KDM1B: variants seen among roughly 807,000 people sequenced by gnomAD.
The protein encoded by KDM1B is lysine demethylase 1B, also known as lysine-specific histone demethylase 2.
A neutral mutation model predicts 107.4 loss-of-function variants in KDM1B; 63 were observed. That is an observed-to-expected ratio of 0.59 (90% CI 0.48 to 0.72). KDM1B has a LOEUF of 0.72. KDM1B is among the 30% of genes least tolerant of loss of function. The probability of loss-of-function intolerance (pLI) is 0.00; values close to 1 mark genes in which losing one functional copy is unlikely to be tolerated. For synonymous variants in KDM1B, 363 were observed against 363.9 expected (o/e 1.00, Z 0.03); for missense variants, 749 against 1,020.8 (o/e 0.73, Z 3.63).
chr6:18,196,910 T>G, intron 10 of KDM1B, 147 bp from the exon 11 acceptor site: 1 of 708,026 alleles, frequency 1.4e-6, no homozygotes, highest in Non-Finnish European at 2.3e-6. Context: ...CAGGGAGGAC[T>G]GTACCTGTTG....
intron 9 of KDM1B, 147 bp downstream of exon 9, chr6:18,188,149 C>A: frequency 1.4e-6 from 1 of 722,036 alleles, no homozygotes; most frequent in Non-Finnish European, 2.3e-6. Context: ...CTTTGGGTGG[C>A]CGAGGCAGGA....
At chr6:18,221,376 T>C (rs766827852) in intron 21 of KDM1B, among the ~76,000 whole-genome samples, 1 of 152,194 alleles carries the variant, frequency 6.6e-6, no homozygotes, top group Non-Finnish European at 1.5e-5. Context: ...GTTCCCACCA[T>C]AGCCATTCCT....
chr6:18,177,964 G>A (rs1786139027), intron 7 of KDM1B, among the ~76,000 whole-genome samples: 1 of 151,974 alleles, frequency 6.6e-6, no homozygotes, highest in African/African-American at 2.4e-5. Context: ...ATCTTTTTGA[G>A]GTTAATGTCT....
Position 18,207,498 on chromosome 6 carries a change from C to G in KDM1B, c.1760C>G (p.Ala587Gly), listed in dbSNP as rs879350909. 23 of 1,614,228 alleles carry G rather than the reference C, an allele frequency of 1.4e-5. No individual in the cohort carries two copies. The highest frequency in any genetic ancestry group is 1.6e-5 in the Non-Finnish European group (19 of 1,180,042). Residue 587 changes from alanine (A) to glycine (G), a missense_variant, in exon 16 of 22, where the codon GCA (alanine) becomes GGA (glycine). Physicochemically the swap from Ala to Gly is moderately conservative, Grantham distance 60. Transcript: ENST00000650836. ...PGYSVIIEKL[A>G]EGLDIQLKSP... ...TACTCGGTGATAATTGAAAAACTGG[C>G]AGAAGGGCTTGACATTCAACTCAAA...
chr6:18,182,015 CTG>C (rs1786516793), intron 7 of KDM1B, among the ~76,000 whole-genome samples: 1 of 152,142 alleles, frequency 6.6e-6, no homozygotes, highest in African/African-American at 2.4e-5. Flanking sequence ...TTACTGCTCT[CTG>C]TAATTTCTTT....
chr6:18,189,717 A>T (rs563485035), intron 9 of KDM1B, among the ~76,000 whole-genome samples: 1 of 152,230 alleles, frequency 6.6e-6, no homozygotes, highest in Non-Finnish European at 1.5e-5. Context: ...TTATGTGAAT[A>T]TTCTCTGTTA....
intron 17 of KDM1B, 23 bp downstream of exon 17, chr6:18,208,229 G>C: frequency 1.9e-6 from 3 of 1,572,274 alleles, no homozygotes; most frequent in South Asian, 1.1e-5. Flanking sequence ...GCAGTACAAG[G>C]GTGGGTAGAA....
At chr6:18,202,679 G>A (rs191433069) in intron 14 of KDM1B, among the ~76,000 whole-genome samples, 2 of 152,288 alleles carry the variant, frequency 1.3e-5, no homozygotes, top group African/African-American at 4.8e-5. Context: ...TCAACTGTAT[G>A]TTTCTTTGCA....
chr6:18,218,022 C>T (rs1171756605), intron 21 of KDM1B, 137 bp downstream of exon 21: 1 of 874,450 alleles, frequency 1.1e-6, no homozygotes, highest in South Asian at 1.8e-5. Context: ...GAAGCCTTCT[C>T]ACCATCCTCT....
chr6:18,195,923 T>G lies in KDM1B; in HGVS notation c.970-1134T>G, dbSNP rs150421297. 5.0e-3 allele frequency among the ~76,000 whole-genome samples: 759 copies of G among 152,196 alleles called. 6 individuals are homozygous for G. The highest frequency in any genetic ancestry group is 0.017 in the African/African-American group (705 of 41,510). ...TGTAGTTACCATGTTGTAAAATGGA[T>G]CTCCTGAAATTATTCCTCTTGTCTA... On this transcript the variant is annotated intron_variant, in intron 10 of 21. Coordinates refer to ENST00000650836, the MANE Select transcript of KDM1B (RefSeq NM_001364614.2).
chr6:18,211,717 G>A lies in KDM1B; in HGVS notation c.1867-771G>A, dbSNP rs985275032. The A allele has an allele frequency of 5.9e-5, 9 of 152,322 alleles. 1 individual carries two copies. Among genetic ancestry groups the A allele is most frequent in the African/African-American group, 2.2e-4 (9 of 41,564 alleles). 9.4% of individuals were successfully genotyped at this position (152,322 alleles called of 1,614,324 possible). On this transcript the variant is annotated intron_variant, in intron 17 of 21. Coordinates refer to ENST00000650836, the MANE Select transcript of KDM1B (RefSeq NM_001364614.2). The surrounding 1 kb of genome is among the most constrained non-coding windows in gnomAD (Gnocchi z 5.2). The stretch of plus-strand genomic sequence containing the variant: ...ATGTCCAATTCCCAATGTTTGTGAT[G>A]TGTTTCACTACTTATGAAGCATATT...
intron 10 of KDM1B, among the ~76,000 whole-genome samples, chr6:18,194,647 T>G (rs1401666675): frequency 1.3e-5 from 2 of 152,148 alleles, no homozygotes; most frequent in Middle Eastern, 3.4e-3. Context: ...AACATAAAAT[T>G]TACCATATTT....
At position 18,223,800 on chromosome 6, in the gene KDM1B, A is replaced by G. The variant is rs1789980017; in HGVS notation, c.*1808A>G. 6.6e-6 allele frequency: 1 copy of G among 152,200 alleles called. No homozygotes were observed. Among genetic ancestry groups the G allele is most frequent in the Non-Finnish European group, 1.5e-5 (1 of 68,014 alleles). The allele number at this position is 152,200 out of a possible 1,614,324, so 9.4% of individuals were successfully genotyped here. A position where few individuals can be genotyped will look rare whatever the true frequency, so the allele number is the denominator to read the frequency against. On this transcript the variant is annotated 3_prime_UTR_variant, in exon 22 of 22. Coordinates refer to ENST00000650836, the MANE Select transcript of KDM1B (RefSeq NM_001364614.2). ...TACAGATTTACAATGTTTTAACTACAGTTCATGAATAGCTGGTTGTGTAAA... is the reference window on the plus strand; with the variant it reads ...TACAGATTTACAATGTTTTAACTACGGTTCATGAATAGCTGGTTGTGTAAA...
At chr6:18,187,486 A>C (rs1207912735) in intron 8 of KDM1B, among the ~76,000 whole-genome samples, 1 of 152,122 alleles carries the variant, frequency 6.6e-6, no homozygotes, top group Non-Finnish European at 1.5e-5. Context: ...CGATCTAGTA[A>C]ATGGGCACAG....
chr6:18,181,359 TAAG>T (rs1427633102), intron 7 of KDM1B, among the ~76,000 whole-genome samples: 1 of 152,132 alleles, frequency 6.6e-6, no homozygotes. Context: ...CAATTTAAAA[TAAG>T]AAAAGGAAGC....
rs61751947 is a variant in KDM1B, at chr6:18,161,386, G to A, written c.147G>A (p.Lys49=). Residue 49 remains lysine, a synonymous_variant, in exon 4 of 22, where the codon AAG becomes AAA. Transcript: ENST00000650836. ...ATGAAGATGGTGGCTCAGAGAAGAA[G>A]TACAGGAAATGTGAAAAGGCAGGCT... The part of the protein sequence containing the change: ...DEDEDGGSEK[K]YRKCEKAGCT... 2,701 of 1,614,004 alleles carry A rather than the reference G, an allele frequency of 1.7e-3. 14 individuals carry two copies. The highest frequency in any genetic ancestry group is 0.011 in the Admixed American group (659 of 59,994).
chr6:18,188,886 C>T (rs1195813215), intron 9 of KDM1B, among the ~76,000 whole-genome samples: 1 of 151,770 alleles, frequency 6.6e-6, no homozygotes, highest in Non-Finnish European at 1.5e-5. Context: ...CAGGTTCAAG[C>T]GATTCTCCTG....
chr6:18,220,809 T>TCGCACAGGCTGGAGTGC (rs1789648643), intron 21 of KDM1B, among the ~76,000 whole-genome samples: 1 of 151,056 alleles, frequency 6.6e-6, no homozygotes, highest in Non-Finnish European at 1.5e-5. Context: ...TCTCGCTGTG[T>TCGCACAGGCTGGAGTGC]CGCACAGGCT....
intron 10 of KDM1B, among the ~76,000 whole-genome samples, chr6:18,193,936 C>T (rs1411507036): frequency 2.0e-5 from 3 of 151,664 alleles, no homozygotes; most frequent in South Asian, 2.1e-4. Flanking sequence ...TGCAATGATG[C>T]GATCTCAGCT....
Sources: allele counts gnomAD v4.1 joint callset (sites outside exome capture counted in the v4.1 genomes callset), GRCh38; gene constraint gnomAD v4.1.1; non-coding constraint Gnocchi (gnomAD v3.1); transcripts MANE v1.5; gene names NCBI Gene and HGNC (gene_info 2026-07-23, HGNC 2026-07-21).